Variants in KCNK12 observed in about 807,000 individuals in gnomAD.
KCNK12 encodes the protein potassium channel subfamily K member 12.
In KCNK12, 6 loss-of-function variants were observed where a neutral mutation model predicts 25.3. The ratio of observed to expected loss-of-function variants is 0.24; its 90% CI spans 0.13 to 0.47. KCNK12 has a LOEUF of 0.47. Among genes scored for constraint, KCNK12 ranks in the 20% least tolerant of loss-of-function variants. KCNK12 has a pLI of 0.99. For missense variants in KCNK12, 444 were observed against 661.7 expected, an observed-to-expected ratio of 0.67 and a Z score of 3.61; for synonymous variants, 331 against 311.1, an observed-to-expected ratio of 1.06 and a Z score of -0.67.
In KCNK12 at chr2:47,566,196, T is replaced by C. The variant is rs148310502; in HGVS notation, c.391+3745A>G. The C allele has an allele frequency of 6.6e-6, 1 of 152,226 alleles. No homozygotes were observed. Among genetic ancestry groups the C allele is most frequent in the East Asian group, 1.9e-4 (1 of 5,168 alleles). The allele number at this position is 152,226 out of a possible 1,614,324, so 9.4% of individuals were successfully genotyped here. ...TGGTACCGCACTGTGTAGACACACG[T>C]GTATCTACACGATTGCAAACTGCCC... On this transcript the variant is annotated intron_variant, in intron 1 of 1. Transcript: ENST00000327876. The surrounding 1 kb of genome is among the most constrained non-coding windows in gnomAD (Gnocchi z 4.1).
rs1668589307 is a variant in KCNK12 at position 47,519,117 on chromosome 2, T to TGGCTTCACC, written c.*1781_*1789dup. 6.6e-6 allele frequency: 1 copy of TGGCTTCACC among 152,244 alleles called. No individual in the cohort carries two copies. Among genetic ancestry groups the TGGCTTCACC allele is most frequent in the South Asian group, 2.1e-4 (1 of 4,838 alleles). The allele number at this position is 152,244 out of a possible 1,614,324, so 9.4% of individuals were successfully genotyped here. A position where few individuals can be genotyped will look rare whatever the true frequency, so the allele number is the denominator to read the frequency against. On this transcript the variant is annotated 3_prime_UTR_variant, in exon 2 of 2. Coordinates refer to ENST00000327876, the MANE Select transcript of KCNK12 (RefSeq NM_022055.2). ...TCTCTCCTGGCCAGCGCTGCTTCAC[T>TGGCTTCACC]GGCTTCACCCCAGATTAGGGCCTGT...
Position 47,569,224 on chromosome 2 carries a change from T to C in KCNK12, c.391+717A>G, listed in dbSNP as rs1669840430. On this transcript the variant is annotated intron_variant, in intron 1 of 1. Coordinates refer to ENST00000327876, the MANE Select transcript of KCNK12 (RefSeq NM_022055.2). The surrounding 1 kb of genome is among the most constrained non-coding windows in gnomAD (Gnocchi z 4.1). ...AACTATCCCTGCTCCCAGCTACCCC[T>C]TGGTACCACTAATGGTTGGAAAAAG... 6.6e-6 allele frequency among the ~76,000 whole-genome samples: 1 copy of C among 152,120 alleles called. No homozygotes were observed. Among genetic ancestry groups the C allele is most frequent in the Admixed American group, 6.5e-5 (1 of 15,276 alleles).
At chr2:47,523,216 T>A (rs1171654529) in intron 1 of KCNK12, among the ~76,000 whole-genome samples, 1 of 152,102 alleles carries the variant, frequency 6.6e-6, no homozygotes, top group East Asian at 1.9e-4. Context: ...CCAGGTAGAG[T>A]GTAACCAGGT....
chr2:47,559,726 G>A (rs2104879070), intron 1 of KCNK12, among the ~76,000 whole-genome samples: 1 of 152,322 alleles, frequency 6.6e-6, no homozygotes, highest in African/African-American at 2.4e-5. Context: ...CCACTGAACG[G>A]TGGCTTACTT....
At position 47,557,204 on chromosome 2, in the gene KCNK12, T is replaced by C. The variant is rs2104870131; in HGVS notation, c.391+12737A>G. Among the ~76,000 whole-genome samples, 1 of 152,310 alleles carries C rather than the reference T, an allele frequency of 6.6e-6. No homozygotes were observed. The highest frequency in any genetic ancestry group is 1.9e-4 in the East Asian group (1 of 5,184). On this transcript the variant is annotated intron_variant, in intron 1 of 1. Coordinates refer to ENST00000327876, the MANE Select transcript of KCNK12 (RefSeq NM_022055.2). The surrounding 1 kb of genome is among the most constrained non-coding windows in gnomAD (Gnocchi z 4.9). ...AAGAGGTGAGAACTTTAAGAGGTGA[T>C]TGGATCATGTGGGTTCTGTTCTCAT...
rs1298374198 is a variant in KCNK12 at position 47,551,543 on chromosome 2, A to T, written c.391+18398T>A. Among the ~76,000 whole-genome samples, 2 of 152,164 alleles carry T rather than the reference A, an allele frequency of 1.3e-5. No individual in the cohort carries two copies. Among genetic ancestry groups the T allele is most frequent in the Non-Finnish European group, 2.9e-5 (2 of 68,032 alleles). On this transcript the variant is annotated intron_variant, in intron 1 of 1. Coordinates refer to ENST00000327876, the MANE Select transcript of KCNK12 (RefSeq NM_022055.2). The surrounding 1 kb of genome is among the most constrained non-coding windows in gnomAD (Gnocchi z 5.3). ...ATTTTCAGTTGCTGGCACATAGTGG[A>T]GCGCTCAAGAAATATTTGTTGAATA... is the stretch of plus-strand genomic sequence containing the variant.
intron 1 of KCNK12, among the ~76,000 whole-genome samples, chr2:47,541,114 A>G (rs1041672776): frequency 6.6e-6 from 1 of 152,178 alleles, no homozygotes; most frequent in Non-Finnish European, 1.5e-5. Context: ...CACCGTGGCC[A>G]TTCATTGCTG....
intron 1 of KCNK12, among the ~76,000 whole-genome samples, chr2:47,534,429 CA>C (rs1477186826): frequency 2.7e-4 from 20 of 73,764 alleles, no homozygotes; most frequent in African/African-American, 2.1e-3. Context: ...AGCCCGTCTC[CA>C]GGCCCCCCCC....
At position 47,546,170 on chromosome 2, in the gene KCNK12, A is replaced by G. The variant is rs771168401; in HGVS notation, c.391+23771T>C. Among the ~76,000 whole-genome samples the G allele has an allele frequency of 2.6e-5, 4 of 152,164 alleles. No homozygotes were observed. In the East Asian group the frequency reaches 5.8e-4, roughly 22 times the overall value. Reference sequence around the variant, plus strand: ...TGATCAGGCTTGGAATCCTTTGGGAACTCTGCAGTTATTGCAAAGGCATAT... The same window carrying G: ...TGATCAGGCTTGGAATCCTTTGGGAGCTCTGCAGTTATTGCAAAGGCATAT... On this transcript the variant is annotated intron_variant, in intron 1 of 1. Coordinates refer to ENST00000327876, the MANE Select transcript of KCNK12 (RefSeq NM_022055.2).
At chr2:47,537,323 G>A (rs1669094796) in intron 1 of KCNK12, among the ~76,000 whole-genome samples, 1 of 149,970 alleles carries the variant, frequency 6.7e-6, no homozygotes, top group South Asian at 2.1e-4. Flanking sequence ...TGTGAAAATG[G>A]GTGATTTTCT....
intron 1 of KCNK12, among the ~76,000 whole-genome samples, chr2:47,552,485 C>T (rs984547488): frequency 6.6e-6 from 1 of 152,212 alleles, no homozygotes; most frequent in Non-Finnish European, 1.5e-5. Flanking sequence ...CCCTGGGGCC[C>T]TGTAGAGCCT....
At position 47,519,055 on chromosome 2, in the gene KCNK12, C is replaced by T. The variant is rs1162619435; in HGVS notation, c.*1852G>A. On this transcript the variant is annotated 3_prime_UTR_variant, in exon 2 of 2. Coordinates refer to ENST00000327876, the MANE Select transcript of KCNK12 (RefSeq NM_022055.2). ...CAGTGAATCCTGAAAGCATGGTTTT[C>T]ACAGGAACCCACCTTCAGGATTTAG... 1 of 152,218 alleles carries T rather than the reference C, an allele frequency of 6.6e-6. No homozygotes were observed. The highest frequency in any genetic ancestry group is 1.9e-4 in the East Asian group (1 of 5,186). 9.4% of individuals were successfully genotyped at this position (152,218 alleles called of 1,614,324 possible). A position where few individuals can be genotyped will look rare whatever the true frequency, so the allele number is the denominator to read the frequency against.
Position 47,510,415 on chromosome 2 carries a change from G to A in KCNK12, c.*10492C>T, listed in dbSNP as rs184907194. 6.6e-6 allele frequency: 1 copy of A among 152,278 alleles called. No individual in the cohort carries two copies. Among genetic ancestry groups the A allele is most frequent in the Admixed American group, 6.5e-5 (1 of 15,298 alleles). 9.4% of individuals were successfully genotyped at this position (152,278 alleles called of 1,614,324 possible). On this transcript the variant is annotated 3_prime_UTR_variant, in exon 2 of 2. Coordinates refer to ENST00000327876, the MANE Select transcript of KCNK12 (RefSeq NM_022055.2). The stretch of plus-strand genomic sequence containing the variant: ...GTTGAATGCTTTCATAACTGATACA[G>A]GAGGGACCCTGTGATTGGCAGTTCC...
rs1377066974 is a variant in KCNK12, at chr2:47,565,891, T to C, written c.391+4050A>G. The C allele has an allele frequency of 6.6e-6, 1 of 152,278 alleles. No homozygotes were observed. The highest frequency in any genetic ancestry group is 2.4e-5 in the African/African-American group (1 of 41,478). The allele number at this position is 152,278 out of a possible 1,614,324, so 9.4% of individuals were successfully genotyped here. On this transcript the variant is annotated intron_variant, in intron 1 of 1. Coordinates refer to ENST00000327876, the MANE Select transcript of KCNK12 (RefSeq NM_022055.2). This position sits in a 1 kb window ranked among gnomAD's most constrained non-coding sequence, Gnocchi z 5.0. The stretch of plus-strand genomic sequence containing the variant: ...CAGACAACATGCCAAAGGCCACACA[T>C]GCATCTATGATGAGTGATGCTTGTC...
intron 1 of KCNK12, 73 bp from the exon 2 acceptor site, chr2:47,521,881 T>TGGGGGGGGGGTGG: frequency 9.4e-6 from 2 of 212,170 alleles, no homozygotes; most frequent in Admixed American, 1.2e-4. Flanking sequence ...GTGGGGGGTG[T>TGGGGGGGGGGTGG]GGGGGCGGGG....
intron 1 of KCNK12, among the ~76,000 whole-genome samples, chr2:47,539,066 A>G (rs1669138007): frequency 6.6e-6 from 1 of 152,246 alleles, no homozygotes; most frequent in African/African-American, 2.4e-5. Flanking sequence ...AATAGCTGCA[A>G]GCAATGTGGA....
chr2:47,512,102 TG>T lies in KCNK12; in HGVS notation c.*8804del, dbSNP rs1363753755. Among the ~76,000 whole-genome samples the T allele has an allele frequency of 6.6e-6, 1 of 152,172 alleles. No individual in the cohort carries two copies. Among genetic ancestry groups the T allele is most frequent in the African/African-American group, 2.4e-5 (1 of 41,442 alleles). On this transcript the variant is annotated 3_prime_UTR_variant, in exon 2 of 2. Transcript: ENST00000327876. ...TGAAGCTGCACCTTCAGCAGGAACC[TG>T]GCCAGTCCTTAGTGGAGGACATTTC... is the stretch of plus-strand genomic sequence containing the variant.
intron 1 of KCNK12, among the ~76,000 whole-genome samples, chr2:47,530,321 A>G (rs1229115122): frequency 6.6e-6 from 1 of 152,124 alleles, no homozygotes; most frequent in Non-Finnish European, 1.5e-5. Context: ...AGGACTGGAC[A>G]CTTGAGAGGG....
chr2:47,552,968 C>A (rs1261290472), intron 1 of KCNK12, among the ~76,000 whole-genome samples: 1 of 152,092 alleles, frequency 6.6e-6, no homozygotes, highest in East Asian at 1.9e-4. Flanking sequence ...ATCTCTTACC[C>A]CTTTTCTTTT....
Sources: allele counts gnomAD v4.1 joint callset (sites outside exome capture counted in the v4.1 genomes callset), GRCh38; gene constraint gnomAD v4.1.1; non-coding constraint Gnocchi (gnomAD v3.1); transcripts MANE v1.5; gene names NCBI Gene and HGNC (gene_info 2026-07-23, HGNC 2026-07-21).